Variants in STARD13 observed in about 807,000 individuals in gnomAD.
STARD13 encodes the protein StAR related lipid transfer domain containing 13, also known as stAR-related lipid transfer protein 13.
Under a neutral mutation model 106.4 loss-of-function variants are expected in STARD13, and 62 were observed. That is an observed-to-expected ratio of 0.58 (90% CI 0.48 to 0.72). STARD13 has a LOEUF of 0.72. Ranked by LOEUF, STARD13 falls within the 30% of genes least tolerant of loss-of-function variation. The probability of loss-of-function intolerance (pLI) is 0.00; values close to 1 mark genes in which losing one functional copy is unlikely to be tolerated. For missense variants in STARD13, 1,387 were observed against 1,424.0 expected (o/e 0.97, Z 0.42); for synonymous variants, 565 against 553.0 (o/e 1.02, Z -0.31).
intron 1 of STARD13, among the ~76,000 whole-genome samples, chr13:33,244,187 A>T (rs897534386): frequency 1.3e-5 from 2 of 152,060 alleles, no homozygotes; most frequent in Admixed American, 1.3e-4. Context: ...ATACCATGAA[A>T]GCTGAAAATC....
chr13:33,213,610 C>T (rs1174435583), intron 1 of STARD13, among the ~76,000 whole-genome samples: 1 of 152,194 alleles, frequency 6.6e-6, no homozygotes, highest in Non-Finnish European at 1.5e-5. Context: ...CAGGGAAAGT[C>T]AACAGTGAGG....
At chr13:33,352,301 A>G (rs2078086263), upstream of STARD13, among the ~76,000 whole-genome samples, 2 of 152,232 alleles carry the variant, frequency 1.3e-5, no homozygotes, top group African/African-American at 4.8e-5. Context: ...TGGCTGCTAT[A>G]CAGTGTAACA....
chr13:33,405,515 T>C, the STARD13 span, among the ~76,000 whole-genome samples: 2 of 152,260 alleles, frequency 1.3e-5, no homozygotes, highest in African/African-American at 2.4e-5. Context: ...TGAGAATCGT[T>C]GAAGTCTGTA....
intron 1 of STARD13, among the ~76,000 whole-genome samples, chr13:33,341,731 C>A (rs1413988700): frequency 6.6e-6 from 1 of 152,178 alleles, no homozygotes; most frequent in Non-Finnish European, 1.5e-5. Flanking sequence ...GTATTGCCCC[C>A]CAGGGTGGGC....
the STARD13 span, among the ~76,000 whole-genome samples, chr13:33,592,407 G>T: frequency 6.6e-6 from 1 of 152,192 alleles, no homozygotes; most frequent in South Asian, 2.1e-4. Flanking sequence ...AGGATCTGGG[G>T]TGCTAAGATG....
the STARD13 span, among the ~76,000 whole-genome samples, chr13:33,495,913 A>G: frequency 2.8e-5 from 4 of 144,458 alleles, no homozygotes; most frequent in East Asian, 7.9e-4. Flanking sequence ...TTATTATATT[A>G]TATAGTTATA....
chr13:33,463,559 C>T, the STARD13 span, among the ~76,000 whole-genome samples: 2 of 152,114 alleles, frequency 1.3e-5, no homozygotes, highest in East Asian at 1.9e-4. Flanking sequence ...CCTCCAGAGT[C>T]GAGTCCTGCC....
At chr13:33,392,990 A>G in the STARD13 span, among the ~76,000 whole-genome samples, 5 of 152,248 alleles carry the variant, frequency 3.3e-5, no homozygotes, top group African/African-American at 1.2e-4. Flanking sequence ...CAATACGGCA[A>G]AGACTCTTGG....
intron 7 of STARD13, among the ~76,000 whole-genome samples, chr13:33,120,472 C>A (rs1209335775): frequency 1.3e-5 from 2 of 152,128 alleles, no homozygotes; most frequent in Non-Finnish European, 2.9e-5. Context: ...TTAGGATGTC[C>A]AGAGGGTAGT....
intron 1 of STARD13, among the ~76,000 whole-genome samples, chr13:33,267,190 C>G (rs1890937834): frequency 6.6e-6 from 1 of 152,118 alleles, no homozygotes; most frequent in African/African-American, 2.4e-5. Flanking sequence ...GAGAGGGTTC[C>G]CTGTTCCCAG....
At chr13:33,440,836 G>A in the STARD13 span, among the ~76,000 whole-genome samples, 2 of 128,604 alleles carry the variant, frequency 1.6e-5, no homozygotes, top group African/African-American at 3.0e-5. Flanking sequence ...GGCTGGTCTC[G>A]AACTCCTGAA....
intron 3 of STARD13, among the ~76,000 whole-genome samples, chr13:33,144,293 C>T (rs535708766): frequency 4.3e-4 from 66 of 152,310 alleles, no homozygotes; most frequent in South Asian, 1.9e-3. Context: ...AAAATAATGT[C>T]ATCTTGAGGC....
chr13:33,120,295 G>GGC (rs1876075506), intron 7 of STARD13, among the ~76,000 whole-genome samples: 1 of 152,070 alleles, frequency 6.6e-6, no homozygotes, highest in Admixed American at 6.5e-5. Context: ...GCTGTTTCTG[G>GGC]GCACACAGTC....
At chr13:33,285,768 G>T, upstream of STARD13, 1 of 1,476,648 alleles carries the variant, frequency 6.8e-7, no homozygotes, top group Non-Finnish European at 8.9e-7. Context: ...AAAGAAAGAG[G>T]AGTGCCAAAG....
At chr13:33,376,395 G>A in the STARD13 span, among the ~76,000 whole-genome samples, 4 of 152,182 alleles carry the variant, frequency 2.6e-5, no homozygotes, top group South Asian at 2.1e-4. Flanking sequence ...GAAGTGGGGT[G>A]GAGGAGGAAA....
At chr13:33,320,460 T>C (rs17078972) in intron 1 of STARD13, among the ~76,000 whole-genome samples, 1,612 of 152,176 alleles carry the variant, frequency 0.011, 31 homozygotes, top group African/African-American at 0.037. Flanking sequence ...AGCTATGTAG[T>C]ATGTATTATG....
chr13:33,341,366 C>T (rs1230026595), intron 1 of STARD13, among the ~76,000 whole-genome samples: 1 of 152,064 alleles, frequency 6.6e-6, no homozygotes, highest in Non-Finnish European at 1.5e-5. Flanking sequence ...CGGCATGGCG[C>T]GGTGCCTCAA....
the STARD13 span, among the ~76,000 whole-genome samples, chr13:33,395,946 A>T: frequency 6.6e-6 from 1 of 152,102 alleles, no homozygotes; most frequent in African/African-American, 2.4e-5. Context: ...TGCTCAAGTG[A>T]TCCTCCTGCC....
chr13:33,350,002 G>A (rs1295167297), intron 1 of STARD13, among the ~76,000 whole-genome samples: 1 of 103,740 alleles, frequency 9.6e-6, no homozygotes, highest in Non-Finnish European at 2.5e-5. Flanking sequence ...AGGCCGCCCG[G>A]GGGCAGCCCC....
Sources: gnomAD v4.1 joint callset for allele counts (sites outside exome capture counted in the v4.1 genomes callset) on GRCh38, gnomAD v4.1.1 for gene constraint, MANE v1.5 for transcripts, NCBI Gene and HGNC (gene_info 2026-07-23, HGNC 2026-07-21) for gene names.